Variants in NAV1 observed in about 807,000 individuals in gnomAD.
The protein encoded by NAV1 is pore membrane and/or filament interacting like protein 3.
NAV1 carries 18 observed loss-of-function variants against 175.2 expected under a neutral mutation model. The observed-to-expected ratio is 0.10, with a 90% confidence interval of 0.07 to 0.15. The LOEUF is 0.15. NAV1 is among the 10% of genes least tolerant of loss of function. NAV1 has a pLI of 1.00. For missense variants in NAV1, 1,731 were observed against 2,436.6 expected (o/e 0.71, Z 6.10); for synonymous variants, 897 against 978.7 (o/e 0.92, Z 1.56).
chr1:201,699,998 A>AC (rs1340239931), intron 1 of NAV1, among the ~76,000 whole-genome samples: 1 of 152,216 alleles, frequency 6.6e-6, no homozygotes, highest in Non-Finnish European at 1.5e-5. Context: ...CTAGAAGAAA[A>AC]CCTAGGCAAT....
rs540963784 is a variant in NAV1, at chr1:201,819,830, C to G, written c.5539-7C>G. The G allele has an allele frequency of 3.7e-6, 6 of 1,613,730 alleles. No individual in the cohort carries two copies. Among genetic ancestry groups the G allele is most frequent in the Non-Finnish European group, 8.5e-7 (1 of 1,179,744 alleles). On this transcript the variant is annotated splice_polypyrimidine_tract_variant and splice_region_variant and intron_variant, in intron 29 of 29. Coordinates refer to ENST00000367296, the Ensembl canonical transcript of NAV1. ...TCTCATAAATCCATCTTTTTGCCCC[C>G]CTTTAGATGGCCATGCTGCTGAAAC...
Position 201,812,392 on chromosome 1 carries a change from G to C in NAV1, c.5025-73G>C. On this transcript the variant is annotated intron_variant, in intron 26 of 29. Transcript: ENST00000367296. The surrounding 1 kb of genome is among the most constrained non-coding windows in gnomAD (Gnocchi z 4.6). ...TGAGAAGCAGGCAGAAGGAGGGACA[G>C]ACTGGCAGGGGCTGAACCCTGACAA... 1 of 1,460,626 alleles carries C rather than the reference G, an allele frequency of 6.8e-7. No homozygotes were observed. Among genetic ancestry groups the C allele is most frequent in the Non-Finnish European group, 9.5e-7 (1 of 1,053,172 alleles). The allele number at this position is 1,460,626 out of a possible 1,614,324, so 90.5% of individuals were successfully genotyped here. A position where few individuals can be genotyped will look rare whatever the true frequency, so the allele number is the denominator to read the frequency against.
chr1:201,572,111 G>A (rs1433040245), intron 1 of NAV1, among the ~76,000 whole-genome samples: 3 of 152,196 alleles, frequency 2.0e-5, no homozygotes, highest in Non-Finnish European at 4.4e-5. Context: ...AGATGAGGAT[G>A]TGATCACAGA....
chr1:201,810,392 A>G lies in NAV1; in HGVS notation c.4562-131A>G, dbSNP rs1678611901. 3 of 908,404 alleles carry G rather than the reference A, an allele frequency of 3.3e-6. No individual in the cohort carries two copies. Among genetic ancestry groups the G allele is most frequent in the Non-Finnish European group, 5.0e-6 (3 of 603,506 alleles). 56.3% of individuals were successfully genotyped at this position (908,404 alleles called of 1,614,324 possible). On this transcript the variant is annotated intron_variant, in intron 23 of 29. Transcript: ENST00000367296. The surrounding 1 kb of genome is among the most constrained non-coding windows in gnomAD (Gnocchi z 6.0). ...CAAAACTAGGGGTTAAGGGACTCTTATGGAACCATGGGGCAAGTGGCTCTG... is the reference window on the plus strand; with the variant it reads ...CAAAACTAGGGGTTAAGGGACTCTTGTGGAACCATGGGGCAAGTGGCTCTG...
At chr1:201,811,799 G>A (rs1183986055) in intron 25 of NAV1, 42 bp downstream of exon 29, 2 of 1,606,190 alleles carry the variant, frequency 1.2e-6, no homozygotes, top group Middle Eastern at 1.7e-4. Flanking sequence ...CGAAGTGGGA[G>A]GAGGGAGAAC....
At chr1:201,644,016 G>C (rs1668894240), upstream of NAV1, among the ~76,000 whole-genome samples, 1 of 152,202 alleles carries the variant, frequency 6.6e-6, no homozygotes, top group East Asian at 1.9e-4. Flanking sequence ...AATGACTTTG[G>C]AAAGAGGAGT....
chr1:201,771,600 C>T (rs762525671), intron 3 of NAV1, among the ~76,000 whole-genome samples: 1 of 152,168 alleles, frequency 6.6e-6, no homozygotes, highest in African/African-American at 2.4e-5. Flanking sequence ...ATCCTAGCAG[C>T]CTAACAGCGG....
At position 201,788,065 on chromosome 1, in the gene NAV1, T is replaced by C. The variant is rs563915985; in HGVS notation, c.2996-403T>C. On this transcript the variant is annotated intron_variant, in intron 9 of 29. Transcript: ENST00000367296. The surrounding 1 kb of genome is among the most constrained non-coding windows in gnomAD (Gnocchi z 5.7). ...TTCAGATCTGGGTCTTGGTTTGAAT[T>C]TTCAGTCCTCCTGAGCTGGCAGTTG... Among the ~76,000 whole-genome samples, 1 of 152,222 alleles carries C rather than the reference T, an allele frequency of 6.6e-6. No individual in the cohort carries two copies. The highest frequency in any genetic ancestry group is 6.5e-5 in the Admixed American group (1 of 15,300).
chr1:201,571,804 C>A (rs549641552), intron 1 of NAV1, among the ~76,000 whole-genome samples: 1 of 152,200 alleles, frequency 6.6e-6, no homozygotes, highest in Non-Finnish European at 1.5e-5. Flanking sequence ...AAATGATCAT[C>A]AATGTGTACA....
intron 1 of NAV1, among the ~76,000 whole-genome samples, chr1:201,676,201 T>C (rs1670241633): frequency 6.6e-6 from 1 of 151,962 alleles, no homozygotes; most frequent in Non-Finnish European, 1.5e-5. Flanking sequence ...TGCAGAGAGG[T>C]CCTCCTGGAA....
chr1:201,624,510 AT>A (rs995988199), intron 1 of NAV1, among the ~76,000 whole-genome samples: 2 of 149,608 alleles, frequency 1.3e-5, no homozygotes, highest in African/African-American at 2.5e-5. Flanking sequence ...CACCTGGCTA[AT>A]TTTTTTTTGT....
At chr1:201,641,071 G>A (rs1459884778) in intron 2 of NAV1, among the ~76,000 whole-genome samples, 2 of 152,212 alleles carry the variant, frequency 1.3e-5, no homozygotes, top group African/African-American at 4.8e-5. Context: ...GGGGAGAAGA[G>A]AGGACTCTAA....
At chr1:201,576,631 T>C (rs1311810926) in intron 1 of NAV1, among the ~76,000 whole-genome samples, 6 of 152,196 alleles carry the variant, frequency 3.9e-5, no homozygotes, top group Non-Finnish European at 8.8e-5. Context: ...TGTGTGAACA[T>C]AACTCTTCAT....
intron 1 of NAV1, among the ~76,000 whole-genome samples, chr1:201,624,553 A>C (rs1347348191): frequency 6.6e-6 from 1 of 151,670 alleles, no homozygotes; most frequent in African/African-American, 2.4e-5. Flanking sequence ...TCACTGTGTT[A>C]GCCAGCATGG....
Position 201,782,113 on chromosome 1 carries a change from A to G in NAV1, c.1664-63A>G. 9.2e-6 allele frequency: 13 copies of G among 1,415,520 alleles called. No individual in the cohort carries two copies. Among genetic ancestry groups the G allele is most frequent in the Non-Finnish European group, 1.2e-5 (13 of 1,045,370 alleles). 87.7% of individuals were successfully genotyped at this position (1,415,520 alleles called of 1,614,324 possible). A position where few individuals can be genotyped will look rare whatever the true frequency, so the allele number is the denominator to read the frequency against. ...TCCCTTCTCCCATGGAGGGAAAGAA[A>G]AGGGTGGGTTTTTAAGATACTGGTC... On this transcript the variant is annotated intron_variant, in intron 5 of 29. Transcript: ENST00000367296. The surrounding 1 kb of genome is among the most constrained non-coding windows in gnomAD (Gnocchi z 5.4).
intron 1 of NAV1, among the ~76,000 whole-genome samples, chr1:201,571,133 C>T (rs1012682510): frequency 2.6e-5 from 4 of 152,240 alleles, no homozygotes; most frequent in East Asian, 1.9e-4. Flanking sequence ...TGTGTGGACT[C>T]GCAGGCCCTG....
chr1:201,687,073 T>C (rs548069408), intron 1 of NAV1, among the ~76,000 whole-genome samples: 1 of 152,366 alleles, frequency 6.6e-6, no homozygotes, highest in Non-Finnish European at 1.5e-5. Flanking sequence ...GAAGTCTTTA[T>C]AAGCATACGG....
intron 2 of NAV1, among the ~76,000 whole-genome samples, chr1:201,632,524 A>T (rs1668505578): frequency 6.6e-6 from 1 of 152,240 alleles, no homozygotes; most frequent in South Asian, 2.1e-4. Flanking sequence ...GACAGCCAAG[A>T]GAAGCCAAGG....
intron 2 of NAV1, among the ~76,000 whole-genome samples, chr1:201,596,064 C>A (rs529449902): frequency 6.6e-6 from 1 of 152,204 alleles, no homozygotes; most frequent in Admixed American, 6.5e-5. Flanking sequence ...TTAAGGCAAG[C>A]GCCTTAACCT....
Sources: allele counts gnomAD v4.1 joint callset (sites outside exome capture counted in the v4.1 genomes callset), GRCh38; gene constraint gnomAD v4.1.1; non-coding constraint Gnocchi (gnomAD v3.1); transcripts MANE v1.5; gene names NCBI Gene and HGNC (gene_info 2026-07-23, HGNC 2026-07-21).